The following DBNL variants were observed in gnomAD, a reference collection of about 807,000 sequenced individuals.
The protein encoded by DBNL is drebrin-like protein.
DBNL carries 35 observed loss-of-function variants against 62.2 expected under a neutral mutation model. The observed-to-expected ratio is 0.56, with a 90% CI of 0.43 to 0.75. DBNL has a LOEUF of 0.75. Ranked by LOEUF, DBNL falls within the 30% of genes least tolerant of loss-of-function variation. The probability of loss-of-function intolerance (pLI) is 0.00; values close to 1 mark genes in which losing one functional copy is unlikely to be tolerated. For missense variants in DBNL, 495 were observed against 578.4 expected (o/e 0.86, Z 1.48); for synonymous variants, 197 against 218.0 (o/e 0.90, Z 0.85).
chr7:44,069,206 GAAC>G lies in DBNL; in HGVS notation c.*8292_*8294del, dbSNP rs1436453612. ...ATTCAAAACTTTGGGAATGCAGGAA[GAAC>G]ATCATAAATGGCAAAAGTCCACATA... On this transcript the variant is annotated 3_prime_UTR_variant, in exon 13 of 13. Transcript: ENST00000448521. 6.6e-6 allele frequency: 1 copy of G among 152,208 alleles called. No homozygotes were observed. Among genetic ancestry groups the G allele is most frequent in the Non-Finnish European group, 1.5e-5 (1 of 68,030 alleles). 9.4% of individuals were successfully genotyped at this position (152,208 alleles called of 1,614,324 possible).
Position 44,068,865 on chromosome 7 carries a change from C to T in DBNL, c.*7949C>T, listed in dbSNP as rs2096164232. The T allele has an allele frequency of 6.6e-6, 1 of 152,172 alleles. No individual in the cohort carries two copies. The highest frequency in any genetic ancestry group is 2.4e-5 in the African/African-American group (1 of 41,448). The allele number at this position is 152,172 out of a possible 1,614,324, so 9.4% of individuals were successfully genotyped here. A position where few individuals can be genotyped will look rare whatever the true frequency, so the allele number is the denominator to read the frequency against. The stretch of plus-strand genomic sequence containing the variant: ...CAAGCTTAGACACATCATAAAGAAA[C>T]TTCTGAAAACTAAAGACCAAGAAAA... On this transcript the variant is annotated 3_prime_UTR_variant, in exon 13 of 13. Coordinates refer to ENST00000448521, the MANE Select transcript of DBNL (RefSeq NM_001014436.3).
chr7:44,064,397 C>T lies in DBNL; in HGVS notation c.*3481C>T. Reference sequence around the variant, plus strand: ...GATGGGGGAGGGCCCTGCGAGGGGTCCAAGCCTACATCAAGAGGAATTCAG... The same window carrying T: ...GATGGGGGAGGGCCCTGCGAGGGGTTCAAGCCTACATCAAGAGGAATTCAG... On this transcript the variant is annotated 3_prime_UTR_variant, in exon 13 of 13. Coordinates refer to ENST00000448521, the MANE Select transcript of DBNL (RefSeq NM_001014436.3). 1.1e-5 allele frequency: 3 copies of T among 270,678 alleles called. No individual in the cohort carries two copies. In the South Asian group the frequency reaches 1.1e-4, roughly 10 times the overall value. The allele number at this position is 270,678 out of a possible 1,614,324, so 16.8% of individuals were successfully genotyped here.
chr7:44,065,059 C>T lies in DBNL; in HGVS notation c.*4143C>T, dbSNP rs1586001708. 6.2e-7 allele frequency: 1 copy of T among 1,610,302 alleles called. No homozygotes were observed. The highest frequency in any genetic ancestry group is 1.1e-5 in the South Asian group (1 of 91,032). On this transcript the variant is annotated 3_prime_UTR_variant, in exon 13 of 13. Coordinates refer to ENST00000448521, the MANE Select transcript of DBNL (RefSeq NM_001014436.3). Reference sequence around the variant, plus strand: ...CTTTCCCTCCCAAGCCAGTGGGCCCCCACCCGACTCCCCACTCTGCAGCTT... The same window carrying T: ...CTTTCCCTCCCAAGCCAGTGGGCCCTCACCCGACTCCCCACTCTGCAGCTT...
chr7:44,050,448 C>T (rs111701290), intron 2 of DBNL, 168 bp downstream of exon 2: 67 of 585,680 alleles, frequency 1.1e-4, no homozygotes, highest in African/African-American at 8.3e-4. Flanking sequence ...GAAAACATTC[C>T]TCCTTGGTTC....
rs1348964275 is a variant in DBNL, at chr7:44,064,903, ATCTGGGGAACAATCTCC to A, written c.*3990_*4006del. On this transcript the variant is annotated 3_prime_UTR_variant, in exon 13 of 13. Coordinates refer to ENST00000448521, the MANE Select transcript of DBNL (RefSeq NM_001014436.3). ...AATGAGCACTCGCTTGCCGGCCTTG[ATCTGGGGAACAATCTCC>A]TCGTTCCAGAAGGGCAGGGCCCGGG... 3.1e-6 allele frequency: 5 copies of A among 1,609,668 alleles called. No individual in the cohort carries two copies. In the East Asian group the frequency reaches 1.1e-4, roughly 36 times the overall value.
chr7:44,048,904 G>C (rs1326170701), intron 1 of DBNL, among the ~76,000 whole-genome samples: 1 of 152,168 alleles, frequency 6.6e-6, no homozygotes, highest in Non-Finnish European at 1.5e-5. Context: ...GTTTGGGCTG[G>C]AGTACAATGG....
rs762177046 is a variant in DBNL, at chr7:44,059,391, C to T, written c.873C>T (p.Thr291=). 1 of 1,614,086 alleles carries T rather than the reference C, an allele frequency of 6.2e-7. No homozygotes were observed. Among genetic ancestry groups the T allele is most frequent in the Non-Finnish European group, 8.5e-7 (1 of 1,180,010 alleles). Residue 291 remains threonine (T), a synonymous_variant, in exon 10 of 13, where the codon ACC becomes ACT. Transcript: ENST00000448521. The surrounding 1 kb of genome is among the most constrained non-coding windows in gnomAD (Gnocchi z 4.1). ...GCCCCTTCCTGCAGAAGCAGCTCAC[C>T]CAACCAGAGACCCACTTTGGCAGAG... The part of the protein sequence containing the change: ...LRSPFLQKQL[T]QPETHFGREP...
chr7:44,047,190 CA>C (rs1169502227), intron 1 of DBNL, among the ~76,000 whole-genome samples: 19 of 152,314 alleles, frequency 1.2e-4, no homozygotes, highest in Non-Finnish European at 2.2e-4. Flanking sequence ...ATTTTCTTGT[CA>C]CCTTTATCTC....
chr7:44,057,647 C>T (rs2128793288), intron 5 of DBNL, 135 bp from the exon 6 acceptor site: 1 of 863,644 alleles, frequency 1.2e-6, no homozygotes, highest in Middle Eastern at 2.2e-4. Context: ...GGGCAGTGCT[C>T]TGCTGCCTCT....
rs142350623 is a variant in DBNL at position 44,065,485 on chromosome 7, T to A, written c.*4569T>A. The A allele has an allele frequency of 1.4e-5, 23 of 1,614,134 alleles. No individual in the cohort carries two copies. In the African/African-American group the frequency reaches 2.5e-4, roughly 18 times the overall value. ...CACAGAAACGGTTCTCCTGGTTCCA[T>A]GTGCTCTCGCCGTGCCGGACCATCA... is the stretch of plus-strand genomic sequence containing the variant. On this transcript the variant is annotated 3_prime_UTR_variant, in exon 13 of 13. Transcript: ENST00000448521.
chr7:44,052,950 A>G lies in DBNL; in HGVS notation c.327+9A>G, dbSNP rs2096129249. ...TGGCCAGCTTCCTGAAGGTAAGGCCAGGTGAGGCCCGCTTCACTGGGAACA... is the reference window on the plus strand; with the variant it reads ...TGGCCAGCTTCCTGAAGGTAAGGCCGGGTGAGGCCCGCTTCACTGGGAACA... On this transcript the variant is annotated intron_variant, in intron 4 of 12. Transcript: ENST00000448521. The G allele has an allele frequency of 6.2e-7, 1 of 1,611,280 alleles. No individual in the cohort carries two copies. The highest frequency in any genetic ancestry group is 1.1e-5 in the South Asian group (1 of 90,832).
At chr7:44,051,417 C>T (rs1246625951) in intron 2 of DBNL, 1 of 181,444 alleles carries the variant, frequency 5.5e-6, no homozygotes, top group Non-Finnish European at 1.2e-5. Flanking sequence ...GGTGACTCTA[C>T]AGGCCCTGCT....
chr7:44,059,206 G>A lies in DBNL; in HGVS notation c.836-148G>A, dbSNP rs2128794035. 1.1e-6 allele frequency: 1 copy of A among 930,184 alleles called. No individual in the cohort carries two copies. The allele number at this position is 930,184 out of a possible 1,614,324, so 57.6% of individuals were successfully genotyped here. A position where few individuals can be genotyped will look rare whatever the true frequency, so the allele number is the denominator to read the frequency against. ...GCGCTGTCTACCACGTCACCACATA[G>A]CACATGGCCCTGGGGCCTCTGTTCC... is the stretch of plus-strand genomic sequence containing the variant. On this transcript the variant is annotated intron_variant, in intron 9 of 12. Coordinates refer to ENST00000448521, the MANE Select transcript of DBNL (RefSeq NM_001014436.3). The surrounding 1 kb of genome is among the most constrained non-coding windows in gnomAD (Gnocchi z 4.1).
Position 44,063,050 on chromosome 7 carries a change from C to T in DBNL, c.*2134C>T. The T allele has an allele frequency of 9.3e-7, 1 of 1,078,974 alleles. No individual in the cohort carries two copies. Among genetic ancestry groups the T allele is most frequent in the Non-Finnish European group, 1.4e-6 (1 of 706,404 alleles). 66.8% of individuals were successfully genotyped at this position (1,078,974 alleles called of 1,614,324 possible). A position where few individuals can be genotyped will look rare whatever the true frequency, so the allele number is the denominator to read the frequency against. ...CCCCTGGCACCAATTCCTTCCCAGC[C>T]CTGAGAACGAGGCCACAGAAATGTT... On this transcript the variant is annotated 3_prime_UTR_variant, in exon 13 of 13. Transcript: ENST00000448521.
intron 4 of DBNL, 92 bp from the exon 5 acceptor site, chr7:44,056,665 A>C: frequency 6.6e-7 from 1 of 1,515,938 alleles, no homozygotes; most frequent in Non-Finnish European, 8.9e-7. Context: ...CCTGTGTGGT[A>C]TAGTAGTGGC....
chr7:44,064,644 C>T lies in DBNL; in HGVS notation c.*3728C>T, dbSNP rs1032867532. Reference sequence around the variant, plus strand: ...CAGTCAGCCCCTGTGGAGTGTGTCCCAGTTACACAGAAATGGGGAAAATTT... The same window carrying T: ...CAGTCAGCCCCTGTGGAGTGTGTCCTAGTTACACAGAAATGGGGAAAATTT... On this transcript the variant is annotated 3_prime_UTR_variant, in exon 13 of 13. Coordinates refer to ENST00000448521, the MANE Select transcript of DBNL (RefSeq NM_001014436.3). 1.6e-6 allele frequency: 1 copy of T among 631,126 alleles called. No individual in the cohort carries two copies. 39.1% of individuals were successfully genotyped at this position (631,126 alleles called of 1,614,324 possible). A position where few individuals can be genotyped will look rare whatever the true frequency, so the allele number is the denominator to read the frequency against.
At position 44,064,796 on chromosome 7, in the gene DBNL, C is replaced by CCCCCCCCCCCCCCCCCCCCTT; in HGVS notation, c.*3880_*3881insCCCCCCCCCCCCCCCCCCCTT. 1 of 1,158,932 alleles carries CCCCCCCCCCCCCCCCCCCCTT rather than the reference C, an allele frequency of 8.6e-7. No homozygotes were observed. The highest frequency in any genetic ancestry group is 1.3e-6 in the Non-Finnish European group (1 of 790,590). 71.8% of individuals were successfully genotyped at this position (1,158,932 alleles called of 1,614,324 possible). ...TGAGAAGCCAGCTGGGGCTGCTGCC[C>CCCCCCCCCCCCCCCCCCCCTT]ACCCACCCTGCCCAGGCTCCTGAAG... On this transcript the variant is annotated 3_prime_UTR_variant, in exon 13 of 13. Transcript: ENST00000448521.
chr7:44,064,896 G>A lies in DBNL; in HGVS notation c.*3980G>A, dbSNP rs555158017. ...GGGCTGCAATGAGCACTCGCTTGCC[G>A]GCCTTGATCTGGGGAACAATCTCCT... On this transcript the variant is annotated 3_prime_UTR_variant, in exon 13 of 13. Coordinates refer to ENST00000448521, the MANE Select transcript of DBNL (RefSeq NM_001014436.3). The A allele has an allele frequency of 6.9e-6, 11 of 1,600,078 alleles. No individual in the cohort carries two copies. Among genetic ancestry groups the A allele is most frequent in the South Asian group, 1.1e-5 (1 of 90,410 alleles).
rs1562662538 is a variant in DBNL, at chr7:44,067,883, T to C, written c.*6967T>C. 2.6e-5 allele frequency: 4 copies of C among 152,270 alleles called. No homozygotes were observed. The highest frequency in any genetic ancestry group is 1.3e-4 in the Admixed American group (2 of 15,272). 9.4% of individuals were successfully genotyped at this position (152,270 alleles called of 1,614,324 possible). On this transcript the variant is annotated 3_prime_UTR_variant, in exon 13 of 13. Transcript: ENST00000448521. ...CAGAGAAGTGGTGAGGTAACAAGTA[T>C]TGCCTAGCCTGGACACACAGGCGGC...
Sources: gnomAD v4.1 joint callset for allele counts (sites outside exome capture counted in the v4.1 genomes callset) on GRCh38, gnomAD v4.1.1 for gene constraint, Gnocchi (gnomAD v3.1) non-coding constraint, MANE v1.5 for transcripts, NCBI Gene and HGNC (gene_info 2026-07-23, HGNC 2026-07-21) for gene names.